EVC2: variants seen among roughly 807,000 people sequenced by gnomAD.
EVC2 encodes the protein limbin.
EVC2 carries 148 observed loss-of-function variants against 149.3 expected under a neutral mutation model. That is an observed-to-expected ratio of 0.99 (90% CI 0.87 to 1.14). The LOEUF (loss-of-function observed/expected upper bound fraction) is 1.14, where lower values mean the gene tolerates loss of function less well. Among genes scored for constraint, EVC2 ranks in the 50% most tolerant of loss-of-function variants. The pLI is 0.00. For synonymous variants in EVC2, 776 were observed against 649.9 expected (o/e 1.19, Z -2.95); for missense variants, 1,854 against 1,627.3 (o/e 1.14, Z -2.40).
Position 5,702,264 on chromosome 4 carries a change from C to A in EVC2, c.229-4617G>T, listed in dbSNP as rs1163231768. 2.0e-5 allele frequency among the ~76,000 whole-genome samples: 3 copies of A among 152,158 alleles called. No homozygotes were observed. The East Asian group carries it at 5.8e-4, about 29-fold the overall frequency. ...CCCCTCATCTCTCAGACCACTCTGC[C>A]CACTGTGTACATCTCTACAGCCCCA... On this transcript the variant is annotated intron_variant, in intron 1 of 21. Transcript: ENST00000344408.
At chr4:5,671,502 C>A (rs1352518150) in intron 7 of EVC2, among the ~76,000 whole-genome samples, 1 of 152,132 alleles carries the variant, frequency 6.6e-6, no homozygotes, top group Non-Finnish European at 1.5e-5. Flanking sequence ...ATATTTCAAA[C>A]AATACTTTAT....
At chr4:5,623,966 C>G (rs1361880020) in intron 13 of EVC2, among the ~76,000 whole-genome samples, 1 of 152,170 alleles carries the variant, frequency 6.6e-6, no homozygotes, top group African/African-American at 2.4e-5. Flanking sequence ...AGTGTTATTA[C>G]TATGTGCTAG....
At chr4:5,655,529 G>T (rs1478118554) in intron 9 of EVC2, among the ~76,000 whole-genome samples, 2 of 152,078 alleles carry the variant, frequency 1.3e-5, no homozygotes, top group Non-Finnish European at 2.9e-5. Context: ...CGCACATTCT[G>T]ACAAGTCTTA....
In EVC2 at chr4:5,574,508, T is replaced by C. The variant is rs77671911; in HGVS notation, c.3360+177A>G. Among the ~76,000 whole-genome samples, 927 of 152,356 alleles carry C rather than the reference T, an allele frequency of 6.1e-3. 8 individuals carry two copies. The highest frequency in any genetic ancestry group is 0.021 in the African/African-American group (867 of 41,586). Reference sequence around the variant, plus strand: ...TGGTTGCGGTTGCTGCCATTAGCACTGATTGAGCACCCTCTGTGTGCTGGG... The same window carrying C: ...TGGTTGCGGTTGCTGCCATTAGCACCGATTGAGCACCCTCTGTGTGCTGGG... On this transcript the variant is annotated intron_variant, in intron 19 of 21. Transcript: ENST00000344408.
chr4:5,568,258 G>A (rs1318828479), intron 20 of EVC2, among the ~76,000 whole-genome samples, 186 bp downstream of exon 20: 1 of 151,494 alleles, frequency 6.6e-6, no homozygotes, highest in African/African-American at 2.4e-5. Flanking sequence ...TTTCTTTAAT[G>A]GGCATGCATG....
At chr4:5,538,063 G>GAAAAAAAAAAAAAAAAAAA (rs34937866), downstream of EVC2, among the ~76,000 whole-genome samples, 1 of 112,330 alleles carries the variant, frequency 8.9e-6, no homozygotes. Flanking sequence ...GAAAGAAATA[G>GAAAAAAAAAAAAAAAAAAA]AAAAAAAAAA....
At chr4:5,580,651 T>C (rs530557274) in intron 17 of EVC2, among the ~76,000 whole-genome samples, 4 of 152,182 alleles carry the variant, frequency 2.6e-5, no homozygotes, top group Non-Finnish European at 5.9e-5. Context: ...GCAGGCTCTA[T>C]TAGGGCAGTG....
chr4:5,578,708 A>G (rs1023143572), intron 17 of EVC2, among the ~76,000 whole-genome samples: 1 of 151,810 alleles, frequency 6.6e-6, no homozygotes, highest in Non-Finnish European at 1.5e-5. Context: ...AGAAACGGGG[A>G]GAGAGAGAGA....
At chr4:5,565,423 C>T (rs1418572289) in intron 20 of EVC2, 64 bp from the exon 21 acceptor site, 1 of 1,514,356 alleles carries the variant, frequency 6.6e-7, no homozygotes, top group African/African-American at 1.4e-5. Flanking sequence ...GTAATCCCAG[C>T]ACTTTGGAAG....
In EVC2 at chr4:5,625,793, G is replaced by A; in HGVS notation, c.2002C>T (p.His668Tyr). Residue 668 changes from histidine to tyrosine, a missense_variant, in exon 13 of 22, where the codon CAC becomes TAC. His to Tyr is a moderately conservative substitution (Grantham distance 83). Coordinates refer to ENST00000344408, the MANE Select transcript of EVC2 (RefSeq NM_147127.5). The surrounding 1 kb of genome is among the most constrained non-coding windows in gnomAD (Gnocchi z 4.0). ...CTTCTCTTAGTTATTAATTTTTGGT[G>A]GAGCTTTTTCTTTTCCTGCTTTAAG... is the stretch of plus-strand genomic sequence containing the variant. ...NDLKQEKKKL[H>Y]QKLITKRRRE... 6.2e-7 allele frequency: 1 copy of A among 1,614,042 alleles called. No individual in the cohort carries two copies. The highest frequency in any genetic ancestry group is 8.5e-7 in the Non-Finnish European group (1 of 1,180,024).
At chr4:5,562,369 C>T (rs930696559), downstream of EVC2, 2 of 885,218 alleles carry the variant, frequency 2.3e-6, no homozygotes, top group Admixed American at 5.2e-5. This position sits in a 1 kb window ranked among gnomAD's most constrained non-coding sequence, Gnocchi z 4.3. Flanking sequence ...ACACAGGGAA[C>T]AAAACGTAAG....
At chr4:5,705,098 A>AT (rs1252062743) in intron 1 of EVC2, among the ~76,000 whole-genome samples, 2 of 152,168 alleles carry the variant, frequency 1.3e-5, no homozygotes, top group Non-Finnish European at 2.9e-5. Flanking sequence ...TATCTGGCTG[A>AT]TTTTTTGTTG....
chr4:5,584,082 GT>G (rs567938772), intron 17 of EVC2, among the ~76,000 whole-genome samples: 1 of 151,938 alleles, frequency 6.6e-6, no homozygotes, highest in African/African-American at 2.4e-5. Context: ...AATGTGAGGG[GT>G]TTTTTCCTTA....
intron 8 of EVC2, 128 bp downstream of exon 8, chr4:5,665,387 G>T (rs535105215): frequency 2.1e-6 from 3 of 1,407,312 alleles, no homozygotes; most frequent in East Asian, 2.3e-5. Flanking sequence ...TGGGCCCTGG[G>T]CATGGGTTTT....
At chr4:5,596,550 T>G (rs1038272375) in intron 16 of EVC2, among the ~76,000 whole-genome samples, 1 of 151,716 alleles carries the variant, frequency 6.6e-6, no homozygotes, top group African/African-American at 2.4e-5. Flanking sequence ...TACCAGAATC[T>G]CTGGGATGCA....
At chr4:5,630,208 C>T (rs1180030811) in intron 11 of EVC2, among the ~76,000 whole-genome samples, 2 of 152,148 alleles carry the variant, frequency 1.3e-5, no homozygotes, top group African/African-American at 4.8e-5. Flanking sequence ...GAATGGGAGG[C>T]TTGTGACGAT....
Position 5,665,519 on chromosome 4 carries a change from T to C in EVC2, c.1001A>G (p.His334Arg), listed in dbSNP as rs1314402328. 6 of 1,613,962 alleles carry C rather than the reference T, an allele frequency of 3.7e-6. No individual in the cohort carries two copies. Among genetic ancestry groups the C allele is most frequent in the African/African-American group, 1.3e-5 (1 of 74,930 alleles). Residue 334 changes from histidine to arginine, a missense_variant, in exon 8 of 22, where the codon CAT becomes CGT. By Grantham distance (29) the His-to-Arg change is conservative (BLOSUM62 0). Transcript: ENST00000344408. ...CCACCCTCAGGGAAGACTCACCCGA[T>C]GTCTGGTGAGCATGTTTCCCTTCAG... ...QCLKGNMLTRHRVWQYESKLE... is the reference protein window; with the variant it reads ...QCLKGNMLTRRRVWQYESKLE...
intron 17 of EVC2, among the ~76,000 whole-genome samples, chr4:5,580,476 G>A (rs1711655581): frequency 1.3e-5 from 2 of 152,218 alleles, no homozygotes; most frequent in African/African-American, 4.8e-5. Context: ...ATAGAAATCA[G>A]TGTGGTCTCA....
intron 16 of EVC2, among the ~76,000 whole-genome samples, chr4:5,593,467 G>T (rs758785873): frequency 6.6e-6 from 1 of 152,120 alleles, no homozygotes; most frequent in Non-Finnish European, 1.5e-5. Context: ...CCACAGATTC[G>T]TACAGATTTG....
Sources: allele counts gnomAD v4.1 joint callset (sites outside exome capture counted in the v4.1 genomes callset), GRCh38; gene constraint gnomAD v4.1.1; non-coding constraint Gnocchi (gnomAD v3.1); transcripts MANE v1.5; gene names NCBI Gene and HGNC (gene_info 2026-07-23, HGNC 2026-07-21).